GTF2F1: variants seen among roughly 807,000 people sequenced by gnomAD.
The protein encoded by GTF2F1 is general transcription factor IIF 74 kDa subunit.
Under a neutral mutation model 63.5 loss-of-function variants are expected in GTF2F1, and 39 were observed. The ratio of observed to expected loss-of-function variants is 0.61; its 90% CI spans 0.48 to 0.80. The LOEUF (loss-of-function observed/expected upper bound fraction) is 0.80, where lower values mean the gene tolerates loss of function less well. Ranked by LOEUF, GTF2F1 falls within the 30% of genes least tolerant of loss-of-function variation. GTF2F1 has a pLI of 0.00. For missense variants in GTF2F1, 657 were observed against 718.3 expected, an observed-to-expected ratio of 0.91 and a Z score of 0.97; for synonymous variants, 287 against 285.3, an observed-to-expected ratio of 1.01 and a Z score of -0.06.
Position 6,381,341 on chromosome 19 carries a change from G to A in GTF2F1, c.1018+18C>T. 6.4e-7 allele frequency: 1 copy of A among 1,567,084 alleles called. No homozygotes were observed. Among genetic ancestry groups the A allele is most frequent in the Middle Eastern group, 1.7e-4 (1 of 5,794 alleles). On this transcript the variant is annotated intron_variant, in intron 9 of 12. Transcript: ENST00000394456. The surrounding 1 kb of genome is among the most constrained non-coding windows in gnomAD (Gnocchi z 4.1). ...GGCCCGACCCAAGCCTCCAATATGG[G>A]GGCCACATGCGCCGCACCTTTCCTG...
chr19:6,385,151 T>C (rs866060857), intron 5 of GTF2F1, among the ~76,000 whole-genome samples: 4 of 151,846 alleles, frequency 2.6e-5, no homozygotes, highest in African/African-American at 2.4e-5. Flanking sequence ...TCCCAGCATA[T>C]TGGGATGCCA....
In GTF2F1 at chr19:6,380,574, C is replaced by G; in HGVS notation, c.1348G>C (p.Gly450Arg). Residue 450 changes from glycine (G) to arginine (R), a missense_variant and splice_region_variant, in exon 12 of 13, where the codon GGC becomes CGC. By Grantham distance (125) the Gly-to-Arg change is moderately radical. Transcript: ENST00000394456. The surrounding 1 kb of genome is among the most constrained non-coding windows in gnomAD (Gnocchi z 5.3). ...CCCCTGCTGTCCTCGTCAACTTACC[C>G]GCTGTTGGGTGTTGTCTTGCCTGAT... ...PPSGKTTPNS[G>R]DVQVTEDAVR... 7 of 1,613,858 alleles carry G rather than the reference C, an allele frequency of 4.3e-6. No individual in the cohort carries two copies. The highest frequency in any genetic ancestry group is 5.9e-6 in the Non-Finnish European group (7 of 1,179,838).
At chr19:6,386,317 G>A (rs2091973645) in intron 5 of GTF2F1, among the ~76,000 whole-genome samples, 1 of 151,756 alleles carries the variant, frequency 6.6e-6, no homozygotes, top group Non-Finnish European at 1.5e-5. Flanking sequence ...GAACCTAGGA[G>A]TCGGAGGTTG....
rs755956650 is a variant in GTF2F1, at chr19:6,379,967, T to A, written c.*314A>T. ...GAAGTGGAAGGGAGAACTGTAGAAGTTACCCAGTGGGCAGCACAGGCCCTT... is the reference window on the plus strand; with the variant it reads ...GAAGTGGAAGGGAGAACTGTAGAAGATACCCAGTGGGCAGCACAGGCCCTT... On this transcript the variant is annotated 3_prime_UTR_variant, in exon 13 of 13. Transcript: ENST00000394456. The A allele has an allele frequency of 4.2e-5, 18 of 428,186 alleles. No homozygotes were observed. The highest frequency in any genetic ancestry group is 1.8e-4 in the Admixed American group (5 of 28,182). The allele number at this position is 428,186 out of a possible 1,614,324, so 26.5% of individuals were successfully genotyped here. A position where few individuals can be genotyped will look rare whatever the true frequency, so the allele number is the denominator to read the frequency against.
intron 2 of GTF2F1, chr19:6,392,350 G>C (rs1236561098): frequency 2.1e-6 from 1 of 477,422 alleles, no homozygotes; most frequent in African/African-American, 2.0e-5. Flanking sequence ...GGGAACCCAA[G>C]ATGTGGAGAT....
At position 6,381,073 on chromosome 19, in the gene GTF2F1, G is replaced by C; in HGVS notation, c.1093-31C>G. The C allele has an allele frequency of 6.2e-7, 1 of 1,609,658 alleles. No individual in the cohort carries two copies. Among genetic ancestry groups the C allele is most frequent in the Non-Finnish European group, 8.5e-7 (1 of 1,178,132 alleles). ...GAGGTCAGGGTTGGGAGGTGGGTGA[G>C]TCTGCAAACAGACGCCCAGGCCTCC... is the stretch of plus-strand genomic sequence containing the variant. On this transcript the variant is annotated intron_variant, in intron 10 of 12. Transcript: ENST00000394456. The surrounding 1 kb of genome is among the most constrained non-coding windows in gnomAD (Gnocchi z 4.1).
rs202050363 is a variant in GTF2F1 at position 6,380,575 on chromosome 19, G to A, written c.1347C>T (p.Ser449=). The A allele has an allele frequency of 6.6e-5, 107 of 1,613,592 alleles. No homozygotes were observed. The highest frequency in any genetic ancestry group is 5.5e-4 in the Admixed American group (33 of 60,000). The change falls in exon 12 of 13, where the codon AGC becomes AGT. Residue 449 remains serine, a splice_region_variant and synonymous_variant. Coordinates refer to ENST00000394456, the MANE Select transcript of GTF2F1 (RefSeq NM_002096.3). The surrounding 1 kb of genome is among the most constrained non-coding windows in gnomAD (Gnocchi z 5.3). The part of the protein sequence containing the change: ...QPPSGKTTPN[S]GDVQVTEDAV... Reference sequence around the variant, plus strand: ...CCCTGCTGTCCTCGTCAACTTACCCGCTGTTGGGTGTTGTCTTGCCTGATG... The same window carrying A: ...CCCTGCTGTCCTCGTCAACTTACCCACTGTTGGGTGTTGTCTTGCCTGATG...
At chr19:6,386,008 G>A (rs369586160) in intron 5 of GTF2F1, among the ~76,000 whole-genome samples, 58 of 152,072 alleles carry the variant, frequency 3.8e-4, no homozygotes, top group African/African-American at 1.3e-3. Flanking sequence ...CCCGGGAGGC[G>A]GAGCTTGCAG....
At chr19:6,388,486 A>G (rs1353678538) in intron 4 of GTF2F1, among the ~76,000 whole-genome samples, 1 of 152,118 alleles carries the variant, frequency 6.6e-6, no homozygotes, top group African/African-American at 2.4e-5. Context: ...AGCACCCTTC[A>G]TCAACCTAAC....
In GTF2F1 at chr19:6,381,679, G is replaced by A. The variant is rs140250398; in HGVS notation, c.836+18C>T. 40 of 1,614,086 alleles carry A rather than the reference G, an allele frequency of 2.5e-5. No homozygotes were observed. Among genetic ancestry groups the A allele is most frequent in the African/African-American group, 8.0e-5 (6 of 75,052 alleles). ...CGAGGCTGCATGGGGTCTCGCAGGC[G>A]CCTCCCGTCGGCCTCACCTGGAGCC... On this transcript the variant is annotated intron_variant, in intron 7 of 12. Coordinates refer to ENST00000394456, the MANE Select transcript of GTF2F1 (RefSeq NM_002096.3). This position sits in a 1 kb window ranked among gnomAD's most constrained non-coding sequence, Gnocchi z 4.1.
In GTF2F1 at chr19:6,380,667, C is replaced by T. The variant is rs147113729; in HGVS notation, c.1255G>A (p.Ala419Thr). 9 of 1,612,854 alleles carry T rather than the reference C, an allele frequency of 5.6e-6. No homozygotes were observed. In the African/African-American group the frequency reaches 1.1e-4, roughly 19 times the overall value. ...GTGTCCAGCCGCAACCGCTTGGCTGCAGGCATCTCGCTCACCCGCTTCCCT... is the reference window on the plus strand; with the variant it reads ...GTGTCCAGCCGCAACCGCTTGGCTGTAGGCATCTCGCTCACCCGCTTCCCT... The part of the protein sequence containing the change: ...EQGKRVSEMP[A>T]AKRLRLDTGP... The change falls in exon 12 of 13, where the codon GCA becomes ACA. Residue 419 changes from alanine (A) to threonine (T), a missense_variant. Coordinates refer to ENST00000394456, the MANE Select transcript of GTF2F1 (RefSeq NM_002096.3). The surrounding 1 kb of genome is among the most constrained non-coding windows in gnomAD (Gnocchi z 5.3).
intron 5 of GTF2F1, among the ~76,000 whole-genome samples, chr19:6,385,434 T>A (rs1325685604): frequency 6.7e-6 from 1 of 149,848 alleles, no homozygotes; most frequent in Non-Finnish European, 1.5e-5. Context: ...AGATGGCATT[T>A]CTCCTTTGGT....
Position 6,380,077 on chromosome 19 carries a change from AGAG to A in GTF2F1, c.*201_*203del. 1 of 615,838 alleles carries A rather than the reference AGAG, an allele frequency of 1.6e-6. No homozygotes were observed. The highest frequency in any genetic ancestry group is 2.9e-6 in the Non-Finnish European group (1 of 345,080). The allele number at this position is 615,838 out of a possible 1,614,324, so 38.1% of individuals were successfully genotyped here. A position where few individuals can be genotyped will look rare whatever the true frequency, so the allele number is the denominator to read the frequency against. ...TCTGAAGATTCCAGAAGGAAGGGCC[AGAG>A]GAGGAGATGGCTTAACTTTTCCAGA... is the stretch of plus-strand genomic sequence containing the variant. On this transcript the variant is annotated 3_prime_UTR_variant, in exon 13 of 13. Transcript: ENST00000394456. This position sits in a 1 kb window ranked among gnomAD's most constrained non-coding sequence, Gnocchi z 5.3.
At chr19:6,388,872 G>A (rs1303892317) in intron 4 of GTF2F1, among the ~76,000 whole-genome samples, 48 of 152,266 alleles carry the variant, frequency 3.2e-4, no homozygotes, top group Non-Finnish European at 1.5e-5. Context: ...CTCGAGCCCA[G>A]GAGTTGGAGC....
intron 5 of GTF2F1, chr19:6,387,026 G>A (rs892053695): frequency 5.6e-5 from 14 of 251,424 alleles, no homozygotes; most frequent in Non-Finnish European, 8.5e-5. Flanking sequence ...CTCTGAGGCC[G>A]ATGTCACTGC....
chr19:6,381,194 G>C lies in GTF2F1; in HGVS notation c.1020C>G (p.Asp340Glu), dbSNP rs143281847. The C allele has an allele frequency of 7.7e-4, 1,234 of 1,607,028 alleles. 6 individuals carry two copies. The African/African-American group carries it at 0.015, about 19-fold the overall frequency. The change falls in exon 10 of 13, where the codon GAC (aspartate) becomes GAG (glutamate). Residue 340 changes from aspartate (D) to glutamate (E), a missense_variant and splice_region_variant. Physicochemically the swap from Asp to Glu is conservative, Grantham distance 45. This residue lies in a region of GTF2F1 where 602 missense variants were observed against 625.6 expected (regional missense o/e 0.96). Transcript: ENST00000394456. The surrounding 1 kb of genome is among the most constrained non-coding windows in gnomAD (Gnocchi z 4.1). ...CTGAGCTGTCCGACTCCTCGCTGCT[G>C]TCTGCGGGGCACAGGAAAGGGGTCA... ...PTPQEKKRRK[D>E]SSEESDSSEE...
At position 6,381,473 on chromosome 19, in the gene GTF2F1, C is replaced by T. The variant is rs750886902; in HGVS notation, c.904G>A (p.Asp302Asn). The change falls in exon 9 of 13, where the codon GAT (aspartate) becomes AAT (asparagine). Residue 302 changes from aspartate (D) to asparagine (N), a missense_variant. Coordinates refer to ENST00000394456, the MANE Select transcript of GTF2F1 (RefSeq NM_002096.3). This position sits in a 1 kb window ranked among gnomAD's most constrained non-coding sequence, Gnocchi z 4.1. The part of the protein sequence containing the change: ...PQQEEGPKGV[D>N]EQSDSSEESE... Reference sequence around the variant, plus strand: ...TCCTCACTACTGTCGCTCTGCTCATCGACACCTGGGAGGGGCAGGGTATGA... The same window carrying T: ...TCCTCACTACTGTCGCTCTGCTCATTGACACCTGGGAGGGGCAGGGTATGA... 1.0e-5 allele frequency: 16 copies of T among 1,607,580 alleles called. No individual in the cohort carries two copies. The Admixed American group carries it at 1.8e-4, about 18-fold the overall frequency.
In GTF2F1 at chr19:6,392,972, A is replaced by G. The variant is rs759583217; in HGVS notation, c.12+12T>C. The G allele has an allele frequency of 6.2e-7, 1 of 1,614,096 alleles. No individual in the cohort carries two copies. Among genetic ancestry groups the G allele is most frequent in the Non-Finnish European group, 8.5e-7 (1 of 1,180,024 alleles). On this transcript the variant is annotated intron_variant, in intron 1 of 12. Transcript: ENST00000394456. ...CGTCGGAACCCCCGAACCCCGCCAAATCCACACTCACTAGGGCCGCCATGG... is the reference window on the plus strand; with the variant it reads ...CGTCGGAACCCCCGAACCCCGCCAAGTCCACACTCACTAGGGCCGCCATGG...
chr19:6,384,389 T>C (rs1037042632), intron 5 of GTF2F1, among the ~76,000 whole-genome samples: 4 of 151,658 alleles, frequency 2.6e-5, no homozygotes, highest in Admixed American at 2.6e-4. Flanking sequence ...GTGCCTGTAG[T>C]CCTGACTACT....
Sources: allele counts gnomAD v4.1 joint callset (sites outside exome capture counted in the v4.1 genomes callset), GRCh38; gene constraint gnomAD v4.1.1; regional missense constraint gnomAD v4.1.1; non-coding constraint Gnocchi (gnomAD v3.1); transcripts MANE v1.5; gene names NCBI Gene and HGNC (gene_info 2026-07-23, HGNC 2026-07-21).